The following FAT3 variants were observed in gnomAD, a reference collection of about 807,000 sequenced individuals.
The protein encoded by FAT3 is FAT atypical cadherin 3.
FAT3 carries 95 observed loss-of-function variants against 310.2 expected under a neutral mutation model. That is an observed-to-expected ratio of 0.31 (90% CI 0.26 to 0.36). FAT3 has a LOEUF of 0.36. Ranked by LOEUF, FAT3 falls within the 10% of genes least tolerant of loss-of-function variation. The pLI is 1.00. For synonymous variants in FAT3, 2,314 were observed against 2,192.9 expected, an observed-to-expected ratio of 1.06 and a Z score of -1.54; for missense variants, 5,408 against 5,715.6, an observed-to-expected ratio of 0.95 and a Z score of 1.74.
chr11:92,831,472 A>T, intron 13 of FAT3, 150 bp from the exon 14 acceptor site: 1 of 633,164 alleles, frequency 1.6e-6, no homozygotes, highest in Non-Finnish European at 2.5e-6. Flanking sequence ...ATAAACTGAA[A>T]TTTACATTTT....
chr11:92,705,593 T>G (rs1591629873), intron 4 of FAT3, among the ~76,000 whole-genome samples: 2 of 114 alleles, frequency 0.018, no homozygotes, highest in African/African-American at 0.033. Context: ...GGTGGTGTGA[T>G]GTGGTGGTGT....
intron 4 of FAT3, among the ~76,000 whole-genome samples, chr11:92,725,168 A>G (rs1944965128): frequency 6.6e-6 from 1 of 152,220 alleles, no homozygotes; most frequent in African/African-American, 2.4e-5. Context: ...ATCACCCAAT[A>G]TAGTCTCACA....
chr11:92,576,414 C>G (rs75530925), intron 3 of FAT3, among the ~76,000 whole-genome samples: 1,969 of 152,190 alleles, frequency 0.013, 34 homozygotes, highest in African/African-American at 0.034. Context: ...ATTGATAAAA[C>G]TTCAGTCCAA....
intron 2 of FAT3, among the ~76,000 whole-genome samples, chr11:92,503,095 C>T (rs1952992800): frequency 6.6e-6 from 1 of 152,022 alleles, no homozygotes; most frequent in Admixed American, 6.6e-5. Context: ...ATGTAAGGTT[C>T]AGTTCACAGT....
chr11:92,668,017 A>G (rs867215964), intron 3 of FAT3, among the ~76,000 whole-genome samples: 4 of 152,288 alleles, frequency 2.6e-5, no homozygotes, highest in Non-Finnish European at 4.4e-5. Context: ...TGGGCTCTCC[A>G]TTAGGAAAGA....
At chr11:92,625,887 A>G (rs900242513) in intron 3 of FAT3, among the ~76,000 whole-genome samples, 2 of 152,190 alleles carry the variant, frequency 1.3e-5, no homozygotes, top group Non-Finnish European at 2.9e-5. Context: ...AGAGAGGAGA[A>G]TCACATTGGA....
chr11:92,705,427 G>GA (rs1944256360), intron 4 of FAT3, among the ~76,000 whole-genome samples: 6 of 97,470 alleles, frequency 6.2e-5, no homozygotes, highest in African/African-American at 2.2e-4. Flanking sequence ...GGTAGTGGTG[G>GA]TGGTGGTGAT....
chr11:92,270,214 C>T (rs1236326977), intron 1 of FAT3, among the ~76,000 whole-genome samples: 2 of 152,070 alleles, frequency 1.3e-5, no homozygotes, highest in Non-Finnish European at 2.9e-5. Flanking sequence ...TATTACCTTG[C>T]CCTGGTTTTC....
chr11:92,442,117 T>A (rs1197448144), intron 2 of FAT3, among the ~76,000 whole-genome samples: 4 of 97,346 alleles, frequency 4.1e-5, no homozygotes, highest in African/African-American at 1.1e-4. Context: ...ATATATTTTT[T>A]TTTTTTTTTT....
rs774292146 is a variant in FAT3, at chr11:92,891,122, T to C, written c.*9T>C. On this transcript the variant is annotated 3_prime_UTR_variant, in exon 28 of 28. Coordinates refer to ENST00000525166, the MANE Select transcript of FAT3 (RefSeq NM_001367949.2). The stretch of plus-strand genomic sequence containing the variant: ...ATCAGACTCAAGTGTAGACATCACA[T>C]CTTGGGTACTTCACCCTGTTTGTTA... 8 of 1,611,256 alleles carry C rather than the reference T, an allele frequency of 5.0e-6. No homozygotes were observed. The highest frequency in any genetic ancestry group is 4.4e-5 in the South Asian group (4 of 90,774).
rs527243351 is a variant in FAT3 at position 92,371,471 on chromosome 11, C to CTTTG, written c.3292+16068_3292+16071dup. ...GTGGCTTATGCCTATAATCCCAGCA[C>CTTTG]TTTGGGAAGCGAGGCGGGTGGATCA... On this transcript the variant is annotated intron_variant, in intron 2 of 27. Coordinates refer to ENST00000525166, the MANE Select transcript of FAT3 (RefSeq NM_001367949.2). Among the ~76,000 whole-genome samples, 97 of 152,322 alleles carry CTTTG rather than the reference C, an allele frequency of 6.4e-4. 1 individual carries two copies. The South Asian group carries it at 0.012, about 20-fold the overall frequency.
At chr11:92,610,882 G>T (rs1940531409) in intron 3 of FAT3, among the ~76,000 whole-genome samples, 1 of 152,100 alleles carries the variant, frequency 6.6e-6, no homozygotes. Context: ...GCAGGCTGAA[G>T]CCTCTGCCTC....
chr11:92,319,305 T>C (rs1423380661), intron 1 of FAT3, among the ~76,000 whole-genome samples: 1 of 152,142 alleles, frequency 6.6e-6, no homozygotes, highest in African/African-American at 2.4e-5. Context: ...TAAGTCAAGG[T>C]TGCAAGCAGT....
At chr11:92,598,443 C>G (rs1939836536) in intron 3 of FAT3, among the ~76,000 whole-genome samples, 1 of 151,878 alleles carries the variant, frequency 6.6e-6, no homozygotes, top group Non-Finnish European at 1.5e-5. Context: ...CGGGCTGATC[C>G]CGAATTCCTG....
At chr11:92,863,660 C>A (rs1275204715) in intron 21 of FAT3, among the ~76,000 whole-genome samples, 3 of 152,206 alleles carry the variant, frequency 2.0e-5, no homozygotes, top group African/African-American at 7.2e-5. Context: ...ACCTCAATTT[C>A]TATTAAAATA....
At chr11:92,878,142 A>C (rs926177741) in intron 22 of FAT3, among the ~76,000 whole-genome samples, 4 of 152,164 alleles carry the variant, frequency 2.6e-5, no homozygotes, top group African/African-American at 9.7e-5. Flanking sequence ...TTCATGTAAG[A>C]GTTGATTTTG....
At chr11:92,866,660 C>T (rs563136009) in intron 21 of FAT3, 81 bp from the exon 22 acceptor site, 103 of 1,295,532 alleles carry the variant, frequency 8.0e-5, no homozygotes, top group Non-Finnish European at 1.1e-4. Context: ...GTGAAGCCCC[C>T]GGGCCGGCCA....
chr11:92,889,403 G>GA (rs11318085), intron 26 of FAT3, among the ~76,000 whole-genome samples, 155 bp downstream of exon 26: 140 of 143,188 alleles, frequency 9.8e-4, no homozygotes, highest in Non-Finnish European at 1.0e-3. Flanking sequence ...TTAAAATTTT[G>GA]AAAAAAAAAA....
intron 13 of FAT3, among the ~76,000 whole-genome samples, chr11:92,819,016 G>A (rs1028342171): frequency 3.9e-5 from 6 of 152,176 alleles, no homozygotes; most frequent in African/African-American, 1.4e-4. Context: ...CAGGCACTGC[G>A]CCAAGTGCCT....
Sources: gnomAD v4.1 joint callset for allele counts (sites outside exome capture counted in the v4.1 genomes callset) on GRCh38, gnomAD v4.1.1 for gene constraint, MANE v1.5 for transcripts, NCBI Gene and HGNC (gene_info 2026-07-23, HGNC 2026-07-21) for gene names.